The following RIMS1 variants were observed in gnomAD, a reference collection of about 807,000 sequenced individuals.
RIMS1 encodes regulating synaptic membrane exocytosis 1.
In RIMS1, 83 loss-of-function variants were observed where a neutral mutation model predicts 214.1. The observed-to-expected ratio is 0.39, with a 90% confidence interval of 0.32 to 0.47. The LOEUF is 0.47. Among genes scored for constraint, RIMS1 ranks in the 20% least tolerant of loss-of-function variants. The probability of loss-of-function intolerance (pLI) is 0.99; values close to 1 mark genes in which losing one functional copy is unlikely to be tolerated. For synonymous variants in RIMS1, 793 were observed against 786.8 expected, an observed-to-expected ratio of 1.01 and a Z score of -0.13; for missense variants, 2,050 against 2,161.8, an observed-to-expected ratio of 0.95 and a Z score of 1.03.
Position 72,333,812 on chromosome 6 carries a change from G to C in RIMS1, c.4343G>C (p.Ser1448Thr). ...GCCATAGTGTCTCGAAGGAGTAGAA[G>C]CACATCCCAGCTTAGTCAAACAGGT... is the stretch of plus-strand genomic sequence containing the variant. ...VVAIVSRRSR[S>T]TSQLSQTESG... The change falls in exon 29 of 34, where the codon AGC becomes ACC. Residue 1448 changes from serine to threonine, a missense_variant. Physicochemically the swap from Ser to Thr is moderately conservative, Grantham distance 58. Transcript: ENST00000521978. 1 of 1,585,928 alleles carries C rather than the reference G, an allele frequency of 6.3e-7. No individual in the cohort carries two copies. The highest frequency in any genetic ancestry group is 8.6e-7 in the Non-Finnish European group (1 of 1,165,716).
chr6:72,081,492 A>C (rs1833381732), intron 2 of RIMS1, among the ~76,000 whole-genome samples: 1 of 152,224 alleles, frequency 6.6e-6, no homozygotes, highest in South Asian at 2.1e-4. Context: ...ATGAAAGGTA[A>C]AATGACTGCT....
chr6:72,366,874 T>G (rs1308641328), intron 29 of RIMS1: 2 of 978,892 alleles, frequency 2.0e-6, no homozygotes, highest in Non-Finnish European at 2.4e-6. Context: ...AAGGTAAGTC[T>G]ATGTTCCTTA....
intron 29 of RIMS1, among the ~76,000 whole-genome samples, chr6:72,337,198 A>T (rs1057366089): frequency 6.6e-6 from 1 of 151,800 alleles, no homozygotes; most frequent in Non-Finnish European, 1.5e-5. Flanking sequence ...TGGGTTTTAA[A>T]ATGTAAAGTT....
intron 7 of RIMS1, among the ~76,000 whole-genome samples, chr6:72,235,097 T>C (rs1383243914): frequency 2.6e-5 from 4 of 152,080 alleles, no homozygotes; most frequent in Admixed American, 2.6e-4. Context: ...ACAATAATTG[T>C]ACATATTTAT....
intron 29 of RIMS1, among the ~76,000 whole-genome samples, chr6:72,368,040 T>C (rs974099627): frequency 2.0e-5 from 3 of 152,172 alleles, no homozygotes; most frequent in African/African-American, 7.2e-5. Flanking sequence ...TTGTAATTTA[T>C]ATTTTTGCCT....
chr6:72,399,378 C>A lies in RIMS1; in HGVS notation c.4860+284C>A, dbSNP rs117588773. ...TTTGCCCTGTTCCCAGCCCTCCTCA[C>A]TCCTCACTAGATAGATAGATGATAA... On this transcript the variant is annotated intron_variant, in intron 33 of 33. Coordinates refer to ENST00000521978, the MANE Select transcript of RIMS1 (RefSeq NM_014989.7). Among the ~76,000 whole-genome samples, 458 of 152,070 alleles carry A rather than the reference C, an allele frequency of 3.0e-3. 1 individual carries two copies. The highest frequency in any genetic ancestry group is 5.0e-3 in the Non-Finnish European group (340 of 67,982).
intron 23 of RIMS1, among the ~76,000 whole-genome samples, chr6:72,279,599 G>C (rs943324451): frequency 6.6e-6 from 1 of 151,970 alleles, no homozygotes; most frequent in Non-Finnish European, 1.5e-5. Flanking sequence ...GAACAAAAAA[G>C]CATGTTTAAA....
chr6:71,935,275 A>C (rs1784120593), intron 1 of RIMS1, among the ~76,000 whole-genome samples: 1 of 152,216 alleles, frequency 6.6e-6, no homozygotes, highest in Non-Finnish European at 1.5e-5. Flanking sequence ...ATATGGATTG[A>C]TGAGGCAAAA....
At chr6:72,221,419 A>G (rs148147778) in intron 6 of RIMS1, among the ~76,000 whole-genome samples, 1 of 152,062 alleles carries the variant, frequency 6.6e-6, no homozygotes, top group African/African-American at 2.4e-5. Flanking sequence ...AAAGGCCAAT[A>G]AGATGTTTTT....
At chr6:72,302,665 A>G (rs1195255990) in intron 26 of RIMS1, among the ~76,000 whole-genome samples, 1 of 151,658 alleles carries the variant, frequency 6.6e-6, no homozygotes, top group Non-Finnish European at 1.5e-5. Flanking sequence ...TTGTGTTGCT[A>G]TACAACAAGG....
chr6:72,321,995 C>G (rs2096197592), intron 28 of RIMS1, among the ~76,000 whole-genome samples: 1 of 152,090 alleles, frequency 6.6e-6, no homozygotes. Context: ...CTCCATCTAA[C>G]ATGAAACTAG....
intron 4 of RIMS1, among the ~76,000 whole-genome samples, chr6:72,108,409 T>G (rs2035239246): frequency 6.6e-6 from 1 of 152,172 alleles, no homozygotes; most frequent in Admixed American, 6.6e-5. Context: ...TGTTTTTAAT[T>G]GTTACTCTTT....
chr6:72,290,580 T>G (rs2154249382), intron 24 of RIMS1, 99 bp from the exon 25 acceptor site: 12 of 964,490 alleles, frequency 1.2e-5, no homozygotes. Flanking sequence ...GAAATTACTG[T>G]CATGTACGAG....
At chr6:71,896,363 T>G (rs562396980) in intron 1 of RIMS1, among the ~76,000 whole-genome samples, 61 of 152,274 alleles carry the variant, frequency 4.0e-4, no homozygotes, top group African/African-American at 1.4e-3. Flanking sequence ...GAAAAAGATA[T>G]TATGGTCTAA....
chr6:72,282,367 GA>G (rs1235022653), intron 23 of RIMS1, among the ~76,000 whole-genome samples: 1 of 152,006 alleles, frequency 6.6e-6, no homozygotes, highest in South Asian at 2.1e-4. Flanking sequence ...TTTCAGCCAT[GA>G]AATCAATCAT....
chr6:72,321,760 A>T (rs868812034), intron 28 of RIMS1, among the ~76,000 whole-genome samples: 1 of 152,030 alleles, frequency 6.6e-6, no homozygotes, highest in Non-Finnish European at 1.5e-5. Flanking sequence ...AGGACCACTA[A>T]CCATTGTATT....
chr6:71,914,106 A>G (rs80262594), intron 1 of RIMS1, among the ~76,000 whole-genome samples: 75 of 152,240 alleles, frequency 4.9e-4, no homozygotes, highest in Non-Finnish European at 9.4e-4. Flanking sequence ...TTCAGGATGA[A>G]TGTGCAATAT....
intron 3 of RIMS1, among the ~76,000 whole-genome samples, chr6:72,098,889 G>A (rs1272153756): frequency 2.0e-5 from 3 of 152,106 alleles, no homozygotes; most frequent in Admixed American, 6.5e-5. Flanking sequence ...AAATAAACTT[G>A]GATATTAAGG....
intron 2 of RIMS1, among the ~76,000 whole-genome samples, chr6:72,089,793 G>C (rs1835682717): frequency 8.5e-6 from 1 of 117,536 alleles, no homozygotes; most frequent in African/African-American, 2.6e-5. Flanking sequence ...TGATAGACTG[G>C]ATTAAGAAAA....
Sources: gnomAD v4.1 joint callset for allele counts (sites outside exome capture counted in the v4.1 genomes callset) on GRCh38, gnomAD v4.1.1 for gene constraint, MANE v1.5 for transcripts, NCBI Gene and HGNC (gene_info 2026-07-23, HGNC 2026-07-21) for gene names.